KATNIP: variants seen among roughly 807,000 people sequenced by gnomAD.
KATNIP encodes the protein katanin-interacting protein.
A neutral mutation model predicts 174.0 loss-of-function variants in KATNIP; 126 were observed. The observed-to-expected ratio is 0.72, with a 90% CI of 0.63 to 0.84. The LOEUF (loss-of-function observed/expected upper bound fraction) is 0.84, where lower values mean the gene tolerates loss of function less well. Among genes scored for constraint, KATNIP ranks in the 40% least tolerant of loss-of-function variants. The pLI, the probability that KATNIP is intolerant of heterozygous loss-of-function variation, is 0.00. For missense variants in KATNIP, 1,958 were observed against 2,109.7 expected (o/e 0.93, Z 1.41); for synonymous variants, 810 against 835.7 (o/e 0.97, Z 0.53).
At position 27,740,130 on chromosome 16, in the gene KATNIP, C is replaced by T; in HGVS notation, c.1833C>T (p.Ala611=). The T allele has an allele frequency of 3.1e-6, 5 of 1,614,100 alleles. No individual in the cohort carries two copies. Among genetic ancestry groups the T allele is most frequent in the Non-Finnish European group, 3.4e-6 (4 of 1,180,022 alleles). The change falls in exon 15 of 28, where the codon GCC becomes GCT. Residue 611 remains alanine, a synonymous_variant. Transcript: ENST00000261588. ...NGKLDKGDRE[A]PADHSILVDQ... ...AGTTAGACAAAGGAGATAGGGAGGC[C>T]CCAGCTGACCACAGCATCCTGGTTG...
intron 14 of KATNIP, among the ~76,000 whole-genome samples, chr16:27,736,880 G>T (rs1214832901): frequency 6.6e-6 from 1 of 152,196 alleles, no homozygotes; most frequent in Non-Finnish European, 1.5e-5. Flanking sequence ...GACCCTGGTG[G>T]CCCAGGCAGC....
chr16:27,567,680 C>A (rs149884468), intron 1 of KATNIP, among the ~76,000 whole-genome samples: 2 of 152,314 alleles, frequency 1.3e-5, no homozygotes, highest in African/African-American at 4.8e-5. Flanking sequence ...CCTGCCACCA[C>A]GCCTGGGTAA....
chr16:27,773,004 A>G (rs2082363592), intron 22 of KATNIP, 95 bp from the exon 23 acceptor site: 7 of 706,738 alleles, frequency 9.9e-6, no homozygotes, highest in Non-Finnish European at 1.7e-5. Context: ...ATTCATCAAC[A>G]TAAACCCAAA....
chr16:27,667,452 T>C (rs2077725366), intron 6 of KATNIP, among the ~76,000 whole-genome samples: 1 of 152,170 alleles, frequency 6.6e-6, no homozygotes, highest in East Asian at 1.9e-4. Flanking sequence ...ATGCCTCATA[T>C]AGTACAAGAG....
At chr16:27,741,521 G>A (rs1048642688) in intron 15 of KATNIP, among the ~76,000 whole-genome samples, 1 of 152,274 alleles carries the variant, frequency 6.6e-6, no homozygotes, top group Admixed American at 6.5e-5. Context: ...GTGGCACAGG[G>A]AATAGTGAGG....
chr16:27,591,247 C>T (rs2075153333), intron 2 of KATNIP, among the ~76,000 whole-genome samples: 1 of 150,912 alleles, frequency 6.6e-6, no homozygotes, highest in Admixed American at 6.6e-5. Context: ...TGCAGTGGTG[C>T]GATCTTGGCT....
chr16:27,580,459 C>T (rs941124333), intron 2 of KATNIP, among the ~76,000 whole-genome samples: 18 of 152,222 alleles, frequency 1.2e-4, no homozygotes, highest in African/African-American at 4.3e-4. Flanking sequence ...CCTCTATAAG[C>T]CCAGGCCACA....
At chr16:27,696,765 G>C (rs1318064733) in intron 8 of KATNIP, among the ~76,000 whole-genome samples, 1 of 133,082 alleles carries the variant, frequency 7.5e-6, no homozygotes, top group Admixed American at 8.0e-5. Context: ...TTTCACTCTT[G>C]TTGCCCTGGC....
chr16:27,695,879 C>G (rs1196680805), intron 8 of KATNIP, among the ~76,000 whole-genome samples: 1 of 152,206 alleles, frequency 6.6e-6, no homozygotes, highest in African/African-American at 2.4e-5. Context: ...CCATCCTTGG[C>G]AATAATCAAT....
chr16:27,632,300 C>T (rs1257761863), intron 5 of KATNIP, among the ~76,000 whole-genome samples: 1 of 152,192 alleles, frequency 6.6e-6, no homozygotes, highest in African/African-American at 2.4e-5. Context: ...GAAACACAGC[C>T]TCAGGCCAGA....
At chr16:27,697,163 A>G (rs895103536) in intron 8 of KATNIP, among the ~76,000 whole-genome samples, 1 of 152,156 alleles carries the variant, frequency 6.6e-6, no homozygotes, top group Admixed American at 6.5e-5. Context: ...TCCTTTGGGT[A>G]TATACCTAGT....
chr16:27,753,382 C>T (rs115928659), intron 17 of KATNIP, among the ~76,000 whole-genome samples: 5 of 152,274 alleles, frequency 3.3e-5, no homozygotes, highest in African/African-American at 1.2e-4. Context: ...ATTTGCCCAG[C>T]GTTTTCCAAA....
At chr16:27,609,378 C>CTTTTTT (rs35339029) in intron 2 of KATNIP, among the ~76,000 whole-genome samples, 3 of 55,634 alleles carry the variant, frequency 5.4e-5, no homozygotes, top group African/African-American at 8.2e-5. Flanking sequence ...TGAGTTAAGT[C>CTTTTTT]TTTTTTTTTT....
chr16:27,771,426 G>A (rs984823630), intron 21 of KATNIP, among the ~76,000 whole-genome samples, 162 bp from the exon 22 acceptor site: 2 of 152,132 alleles, frequency 1.3e-5, no homozygotes, highest in South Asian at 2.1e-4. Flanking sequence ...CATCTAGAGC[G>A]GGAACTCCAC....
At chr16:27,704,247 G>A (rs1361953733) in intron 12 of KATNIP, among the ~76,000 whole-genome samples, 1 of 152,186 alleles carries the variant, frequency 6.6e-6, no homozygotes, top group East Asian at 1.9e-4. Context: ...AAATAGCGTG[G>A]AAGCCCATAG....
Position 27,698,080 on chromosome 16 carries a change from A to G in KATNIP, c.941-248A>G, listed in dbSNP as rs543418069. Among the ~76,000 whole-genome samples, 25 of 152,276 alleles carry G rather than the reference A, an allele frequency of 1.6e-4. No homozygotes were observed. The South Asian group carries it at 4.2e-3, about 25-fold the overall frequency. ...GTATTTGAATTTTCCCAGTTGCCACAATAATGTTCTTTACAGCACTGCTCC... is the reference window on the plus strand; with the variant it reads ...GTATTTGAATTTTCCCAGTTGCCACGATAATGTTCTTTACAGCACTGCTCC... On this transcript the variant is annotated intron_variant, in intron 8 of 27. Coordinates refer to ENST00000261588, the MANE Select transcript of KATNIP (RefSeq NM_015202.5).
chr16:27,689,959 T>C (rs909008176), intron 8 of KATNIP, among the ~76,000 whole-genome samples: 6 of 152,186 alleles, frequency 3.9e-5, no homozygotes, highest in South Asian at 2.1e-4. Flanking sequence ...CCTGGGTGCT[T>C]TTTAAAGACT....
rs145795760 is a variant in KATNIP, at chr16:27,692,667, A to G, written c.941-5661A>G. ...ACCGCCTTCGTGTCCCCACTCAGATATCCTCTTCCCAGATGGTACATCTCA... is the reference window on the plus strand; with the variant it reads ...ACCGCCTTCGTGTCCCCACTCAGATGTCCTCTTCCCAGATGGTACATCTCA... On this transcript the variant is annotated intron_variant, in intron 8 of 27. Coordinates refer to ENST00000261588, the MANE Select transcript of KATNIP (RefSeq NM_015202.5). 5.2e-3 allele frequency among the ~76,000 whole-genome samples: 798 copies of G among 152,142 alleles called. 7 individuals carry two copies. The highest frequency in any genetic ancestry group is 0.018 in the African/African-American group (767 of 41,510).
intron 14 of KATNIP, among the ~76,000 whole-genome samples, chr16:27,726,921 G>A (rs1433655291): frequency 6.6e-6 from 1 of 152,226 alleles, no homozygotes; most frequent in African/African-American, 2.4e-5. Context: ...ACCAGATCCT[G>A]TGGGCCAGCA....
Sources: allele counts gnomAD v4.1 joint callset (sites outside exome capture counted in the v4.1 genomes callset), GRCh38; gene constraint gnomAD v4.1.1; transcripts MANE v1.5; gene names NCBI Gene and HGNC (gene_info 2026-07-23, HGNC 2026-07-21).